Variants in RCC2 observed in about 807,000 individuals in gnomAD.
RCC2 encodes protein RCC2.
In RCC2, 19 loss-of-function variants were observed where a neutral mutation model predicts 64.1. That is an observed-to-expected ratio of 0.30 (90% CI 0.21 to 0.44). The LOEUF is 0.44. RCC2 is among the 20% of genes least tolerant of loss of function. The pLI is 1.00. For missense variants in RCC2, 508 were observed against 710.4 expected (o/e 0.72, Z 3.24); for synonymous variants, 325 against 279.6 (o/e 1.16, Z -1.62).
At chr1:17,413,254 G>T in intron 9 of RCC2, 76 bp from the exon 10 acceptor site, 1 of 1,112,594 alleles carries the variant, frequency 9.0e-7, no homozygotes, top group Non-Finnish European at 1.3e-6. Flanking sequence ...TTATCAGGGT[G>T]AAAAGAGGAC....
intron 2 of RCC2, among the ~76,000 whole-genome samples, chr1:17,435,084 C>G (rs2075722085): frequency 6.6e-6 from 1 of 152,110 alleles, no homozygotes; most frequent in Non-Finnish European, 1.5e-5. Flanking sequence ...GCCTGGGAGA[C>G]AGAGCAAGAC....
At chr1:17,418,747 TG>T (rs755982743) in intron 7 of RCC2, among the ~76,000 whole-genome samples, 9 of 152,212 alleles carry the variant, frequency 5.9e-5, no homozygotes, top group Non-Finnish European at 1.3e-4. Flanking sequence ...GTAAATAGAA[TG>T]CATTTCCGGA....
At chr1:17,435,404 G>T (rs2075725817) in intron 2 of RCC2, among the ~76,000 whole-genome samples, 2 of 152,214 alleles carry the variant, frequency 1.3e-5, no homozygotes, top group South Asian at 4.1e-4. Context: ...CCCTGAGCGG[G>T]GCAAGGCATG....
chr1:17,418,254 G>A (rs1034104755), intron 7 of RCC2, among the ~76,000 whole-genome samples: 1 of 141,572 alleles, frequency 7.1e-6, no homozygotes, highest in Non-Finnish European at 1.5e-5. Context: ...TCGCTCTGTC[G>A]CCCAGGCTGG....
chr1:17,432,450 A>G (rs1350729248), intron 2 of RCC2, among the ~76,000 whole-genome samples: 1 of 152,250 alleles, frequency 6.6e-6, no homozygotes, highest in Non-Finnish European at 1.5e-5. Context: ...CCCAGGCCAG[A>G]GGGCAAGCCT....
At position 17,411,997 on chromosome 1, in the gene RCC2, A is replaced by G. The variant is rs924529002; in HGVS notation, c.1386+125T>C. The G allele has an allele frequency of 6.1e-6, 5 of 824,988 alleles. No individual in the cohort carries two copies. In the Admixed American group the frequency reaches 1.1e-4, roughly 18 times the overall value. 51.1% of individuals were successfully genotyped at this position (824,988 alleles called of 1,614,324 possible). On this transcript the variant is annotated intron_variant, in intron 11 of 12. Coordinates refer to ENST00000375436, the MANE Select transcript of RCC2 (RefSeq NM_018715.4). ...TCAATCGTGTTGCAAACCTTAATACAATAAGGGGGGAATCCCAAATGTTTT... is the reference window on the plus strand; with the variant it reads ...TCAATCGTGTTGCAAACCTTAATACGATAAGGGGGGAATCCCAAATGTTTT...
At position 17,410,078 on chromosome 1, in the gene RCC2, A is replaced by G. The variant is rs772324607; in HGVS notation, c.1387-27T>C. The G allele has an allele frequency of 3.1e-6, 5 of 1,606,256 alleles. No homozygotes were observed. In the South Asian group the frequency reaches 3.3e-5, roughly 11 times the overall value. ...TGGCGAAGCAAACAAGATGTTCGCAATCGAGGATCCATGTGGCTCAGTCCA... is the reference window on the plus strand; with the variant it reads ...TGGCGAAGCAAACAAGATGTTCGCAGTCGAGGATCCATGTGGCTCAGTCCA... On this transcript the variant is annotated intron_variant, in intron 11 of 12. Transcript: ENST00000375436.
Position 17,422,768 on chromosome 1 carries a change from C to T in RCC2, c.592G>A (p.Gly198Ser). 4 of 1,614,120 alleles carry T rather than the reference C, an allele frequency of 2.5e-6. No individual in the cohort carries two copies. Among genetic ancestry groups the T allele is most frequent in the Non-Finnish European group, 3.4e-6 (4 of 1,180,030 alleles). Residue 198 changes from glycine to serine, a missense_variant, in exon 5 of 13, where the codon GGT (glycine) becomes AGT (serine). Gly to Ser is a moderately conservative substitution (Grantham distance 56). This residue lies in a region of RCC2 where 132 missense variants were observed against 207.3 expected (regional missense o/e 0.64). Transcript: ENST00000375436. ...KRVEAPRLIE[G>S]LSHEVIVSAA... is the part of the protein sequence containing the mutation. ...GACACAATCACTTCGTGGCTAAGAC[C>T]CTCGATGAGTCTAGGGGCTTCTACT...
At chr1:17,420,662 T>C in intron 7 of RCC2, 52 bp downstream of exon 7, 1 of 1,185,216 alleles carries the variant, frequency 8.4e-7, no homozygotes, top group Non-Finnish European at 1.2e-6. Flanking sequence ...GATCTCTAGT[T>C]CTGAATATAT....
rs1312291594 is a variant in RCC2, at chr1:17,407,293, A to G, written c.*1797T>C. The G allele has an allele frequency of 6.6e-6, 1 of 151,934 alleles. No individual in the cohort carries two copies. The highest frequency in any genetic ancestry group is 1.5e-5 in the Non-Finnish European group (1 of 67,978). 9.4% of individuals were successfully genotyped at this position (151,934 alleles called of 1,614,324 possible). A position where few individuals can be genotyped will look rare whatever the true frequency, so the allele number is the denominator to read the frequency against. On this transcript the variant is annotated 3_prime_UTR_variant, in exon 13 of 13. Transcript: ENST00000375436. ...TCGGTGACCACGGCTCAAAGGAGAG[A>G]CCTCAAGGGTGCCAGGAGCACAGGT...
At chr1:17,422,671 A>G (rs774086886) in intron 5 of RCC2, 34 bp downstream of exon 5, 3 of 1,609,168 alleles carry the variant, frequency 1.9e-6, no homozygotes, top group Non-Finnish European at 2.6e-6. Context: ...CCTCTTGCCA[A>G]ACTGAGAGGA....
At chr1:17,419,943 G>A (rs1271009290) in intron 7 of RCC2, among the ~76,000 whole-genome samples, 1 of 152,160 alleles carries the variant, frequency 6.6e-6, no homozygotes, top group African/African-American at 2.4e-5. Flanking sequence ...ACTGTTCCCC[G>A]AGGCTAAGGC....
At chr1:17,437,100 C>A (rs1400969463) in intron 2 of RCC2, among the ~76,000 whole-genome samples, 3 of 152,328 alleles carry the variant, frequency 2.0e-5, no homozygotes, top group Admixed American at 6.5e-5. Flanking sequence ...CCAGTTCCAT[C>A]CATGACTTTG....
chr1:17,429,085 T>C (rs1050362085), intron 3 of RCC2, 21 bp downstream of exon 3: 3 of 1,595,456 alleles, frequency 1.9e-6, no homozygotes, highest in African/African-American at 1.3e-5. Context: ...TCAATGGGTT[T>C]TTGAGGCACC....
intron 4 of RCC2, among the ~76,000 whole-genome samples, chr1:17,424,118 G>A (rs938707741): frequency 2.6e-5 from 4 of 152,188 alleles, no homozygotes; most frequent in South Asian, 2.1e-4. Context: ...CAGGGTGAGC[G>A]GGCCACAGAT....
intron 8 of RCC2, among the ~76,000 whole-genome samples, chr1:17,416,122 C>T (rs2075481918): frequency 6.7e-6 from 1 of 149,998 alleles, no homozygotes; most frequent in Non-Finnish European, 1.5e-5. Context: ...AAAAACGACT[C>T]ACATCCCCAG....
rs1399413038 is a variant in RCC2, at chr1:17,425,489, G to A, written c.523+52C>T. 11 of 1,519,756 alleles carry A rather than the reference G, an allele frequency of 7.2e-6. No individual in the cohort carries two copies. In the East Asian group the frequency reaches 2.5e-4, roughly 34 times the overall value. 94.1% of individuals were successfully genotyped at this position (1,519,756 alleles called of 1,614,324 possible). A position where few individuals can be genotyped will look rare whatever the true frequency, so the allele number is the denominator to read the frequency against. ...GGCAAACAGAAGAACGTGCTGTGTG[G>A]GGACAGCTGGTGACAGTGGTCCCCA... On this transcript the variant is annotated intron_variant, in intron 4 of 12. Transcript: ENST00000375436.
At chr1:17,423,954 T>A (rs1359939260) in intron 4 of RCC2, among the ~76,000 whole-genome samples, 1 of 152,216 alleles carries the variant, frequency 6.6e-6, no homozygotes, top group Non-Finnish European at 1.5e-5. Flanking sequence ...TGACTCGCTC[T>A]AATTAAAGAA....
At chr1:17,431,385 G>T (rs2075678740) in intron 2 of RCC2, among the ~76,000 whole-genome samples, 1 of 86,238 alleles carries the variant, frequency 1.2e-5, no homozygotes, top group Non-Finnish European at 2.4e-5. Context: ...TATATATGTG[G>T]GCTGGGTGTG....
Sources: gnomAD v4.1 joint callset for allele counts (sites outside exome capture counted in the v4.1 genomes callset) on GRCh38, gnomAD v4.1.1 for gene constraint, gnomAD v4.1.1 regional missense constraint, MANE v1.5 for transcripts, NCBI Gene and HGNC (gene_info 2026-07-23, HGNC 2026-07-21) for gene names.